Variants in UBE3A observed in about 807,000 individuals in gnomAD.
UBE3A encodes ubiquitin protein ligase E3A.
UBE3A carries 6 observed loss-of-function variants against 83.4 expected under a neutral mutation model. The ratio of observed to expected loss-of-function variants is 0.07; its 90% CI spans 0.04 to 0.14. The LOEUF is 0.14. Ranked by LOEUF, UBE3A falls within the 10% of genes least tolerant of loss-of-function variation. The pLI is 1.00. For synonymous variants in UBE3A, 337 were observed against 355.4 expected (o/e 0.95, Z 0.58); for missense variants, 456 against 1,036.1 (o/e 0.44, Z 7.69).
intron 1 of UBE3A, among the ~76,000 whole-genome samples, chr15:25,419,832 T>C (rs1161477913): frequency 6.6e-6 from 1 of 151,784 alleles, no homozygotes; most frequent in Non-Finnish European, 1.5e-5. Flanking sequence ...TTTTTGAAGG[T>C]AGATTGAGGT....
intron 7 of UBE3A, among the ~76,000 whole-genome samples, chr15:25,358,953 T>TA (rs2077614945): frequency 6.6e-6 from 1 of 152,188 alleles, no homozygotes; most frequent in African/African-American, 2.4e-5. Context: ...ATGGTGTGTC[T>TA]AAAAAATTAA....
In UBE3A at chr15:25,339,548, A is replaced by G. The variant is rs2074378739; in HGVS notation, c.2499-291T>C. The G allele has an allele frequency of 1.7e-5, 5 of 299,976 alleles. No individual in the cohort carries two copies. In the South Asian group the frequency reaches 2.0e-4, roughly 12 times the overall value. 18.6% of individuals were successfully genotyped at this position (299,976 alleles called of 1,614,324 possible). On this transcript the variant is annotated intron_variant, in intron 12 of 12. Coordinates refer to ENST00000648336, the MANE Select transcript of UBE3A (RefSeq NM_130839.5). Reference sequence around the variant, plus strand: ...ACAGTTCATTTAACTAAATCTTTCCACAACAAAACCACAGAGAGGACATCA... The same window carrying G: ...ACAGTTCATTTAACTAAATCTTTCCGCAACAAAACCACAGAGAGGACATCA...
chr15:25,398,040 CAAAT>C (rs764685573), intron 4 of UBE3A, among the ~76,000 whole-genome samples: 6 of 151,472 alleles, frequency 4.0e-5, no homozygotes, highest in Non-Finnish European at 7.4e-5. Context: ...GGTTTGGTGA[CAAAT>C]AAAAATGATA....
Position 25,336,762 on chromosome 15 carries a change from A to G in UBE3A, c.*2375T>C, listed in dbSNP as rs1468289220. On this transcript the variant is annotated 3_prime_UTR_variant, in exon 13 of 13. Coordinates refer to ENST00000648336, the MANE Select transcript of UBE3A (RefSeq NM_130839.5). ...AAAGTTTACATTTATTTGGAAAACC[A>G]GTTACTTTAGTTTATGGTTCCTTTT... 6.6e-6 allele frequency: 1 copy of G among 152,208 alleles called. No individual in the cohort carries two copies. Among genetic ancestry groups the G allele is most frequent in the African/African-American group, 2.4e-5 (1 of 41,468 alleles). 9.4% of individuals were successfully genotyped at this position (152,208 alleles called of 1,614,324 possible).
intron 4 of UBE3A, among the ~76,000 whole-genome samples, chr15:25,380,932 T>C (rs368442438): frequency 1.3e-5 from 2 of 152,324 alleles, no homozygotes; most frequent in East Asian, 1.9e-4. Context: ...ATTTCTATGA[T>C]TGAATTAATG....
intron 6 of UBE3A, among the ~76,000 whole-genome samples, chr15:25,367,148 A>G (rs542660090): frequency 7.2e-6 from 1 of 137,964 alleles, no homozygotes; most frequent in Admixed American, 7.7e-5. Flanking sequence ...TACTTGTAAA[A>G]GAACACACAA....
intron 9 of UBE3A, among the ~76,000 whole-genome samples, chr15:25,355,517 C>T (rs1185005639): frequency 6.6e-6 from 1 of 152,134 alleles, no homozygotes; most frequent in African/African-American, 2.4e-5. Flanking sequence ...ATTTTTATCA[C>T]AAACAGGATA....
chr15:25,401,405 A>G (rs1164574876), intron 4 of UBE3A, among the ~76,000 whole-genome samples: 2 of 152,206 alleles, frequency 1.3e-5, no homozygotes, highest in African/African-American at 4.8e-5. Context: ...AATGTCTGCT[A>G]GAATTCAGCA....
intron 9 of UBE3A, 73 bp from the exon 10 acceptor site, chr15:25,354,756 T>C (rs2076988552): frequency 5.8e-6 from 8 of 1,378,452 alleles, no homozygotes; most frequent in African/African-American, 2.9e-5. Context: ...TTGGGCTGCA[T>C]AGCTTTTTAA....
intron 4 of UBE3A, among the ~76,000 whole-genome samples, chr15:25,376,593 A>G (rs1371577759): frequency 6.6e-6 from 1 of 152,070 alleles, no homozygotes; most frequent in Non-Finnish European, 1.5e-5. Context: ...CATAAGCTGA[A>G]ATTGCACCAC....
chr15:25,352,504 A>AAAAT (rs1306357291), intron 11 of UBE3A, among the ~76,000 whole-genome samples: 1 of 152,204 alleles, frequency 6.6e-6, no homozygotes. Flanking sequence ...GCATTGTCTA[A>AAAAT]AAATAAGTAC....
chr15:25,413,921 T>C (rs1012261383), intron 1 of UBE3A, among the ~76,000 whole-genome samples: 1 of 152,180 alleles, frequency 6.6e-6, no homozygotes, highest in Non-Finnish European at 1.5e-5. Context: ...CTAGTTCATC[T>C]TCCTACCTCA....
intron 4 of UBE3A, among the ~76,000 whole-genome samples, chr15:25,378,400 TC>T (rs2081583587): frequency 6.6e-6 from 1 of 152,132 alleles, no homozygotes. Flanking sequence ...GCTTTATGAG[TC>T]CCTTCAGTTC....
At chr15:25,434,081 T>C (rs1052199713) in intron 1 of UBE3A, among the ~76,000 whole-genome samples, 14 of 151,620 alleles carry the variant, frequency 9.2e-5, no homozygotes, top group Non-Finnish European at 1.5e-5. Flanking sequence ...AAACAATAAG[T>C]AAAATAAACA....
At chr15:25,358,099 G>T (rs1228879660) in intron 7 of UBE3A, among the ~76,000 whole-genome samples, 1 of 151,850 alleles carries the variant, frequency 6.6e-6, no homozygotes, top group Non-Finnish European at 1.5e-5. Flanking sequence ...GGCCCGGTGT[G>T]GTAGTTCACA....
intron 4 of UBE3A, among the ~76,000 whole-genome samples, chr15:25,403,343 ATAT>A (rs1274801883): frequency 6.6e-6 from 1 of 152,194 alleles, no homozygotes; most frequent in Non-Finnish European, 1.5e-5. Flanking sequence ...ATTCCACAAA[ATAT>A]TATTAAAAAA....
At chr15:25,430,834 G>A (rs1043695483) in intron 1 of UBE3A, among the ~76,000 whole-genome samples, 3 of 152,066 alleles carry the variant, frequency 2.0e-5, no homozygotes, top group South Asian at 4.1e-4. Context: ...CTCCAGCTGA[G>A]ATCCATCTAT....
At chr15:25,403,684 C>T (rs1471504203) in intron 4 of UBE3A, among the ~76,000 whole-genome samples, 1 of 152,130 alleles carries the variant, frequency 6.6e-6, no homozygotes, top group East Asian at 1.9e-4. Context: ...GTAATAGCTA[C>T]AACATGGAAG....
chr15:25,429,574 C>T (rs190426373), intron 1 of UBE3A, among the ~76,000 whole-genome samples: 27 of 152,152 alleles, frequency 1.8e-4, no homozygotes, highest in African/African-American at 6.5e-4. Flanking sequence ...ACAGGCTGGA[C>T]GCAGTGGCTC....
Sources: gnomAD v4.1 joint callset for allele counts (sites outside exome capture counted in the v4.1 genomes callset) on GRCh38, gnomAD v4.1.1 for gene constraint, MANE v1.5 for transcripts, NCBI Gene and HGNC (gene_info 2026-07-23, HGNC 2026-07-21) for gene names.